UMAD1: variants seen among roughly 807,000 people sequenced by gnomAD.
UMAD1 encodes the protein UBAP1-MVB12-associated (UMA) domain containing 1, also known as UBAP1-MVB12-associated (UMA)-domain containing protein 1.
Under a neutral mutation model 6.1 loss-of-function variants are expected in UMAD1, and 8 were observed. The observed-to-expected ratio is 1.30, with a 90% CI of 0.76 to 2.35. The LOEUF (loss-of-function observed/expected upper bound fraction) is 2.35. UMAD1 is among the 30% of genes most tolerant of loss of function. The pLI is 0.00. For synonymous variants in UMAD1, 56 were observed against 31.4 expected (o/e 1.78, Z -2.61); for missense variants, 130 against 78.4 (o/e 1.66, Z -2.49).
intron 2 of UMAD1, among the ~76,000 whole-genome samples, chr7:7,785,285 A>G (rs372413229): frequency 5.3e-5 from 8 of 152,314 alleles, no homozygotes; most frequent in African/African-American, 1.9e-4. Flanking sequence ...TATTTCTTCA[A>G]TATTGATTGT....
At chr7:7,836,828 C>T (rs1783581165) in intron 3 of UMAD1, among the ~76,000 whole-genome samples, 1 of 151,366 alleles carries the variant, frequency 6.6e-6, no homozygotes, top group Non-Finnish European at 1.5e-5. Context: ...CATAGAAATG[C>T]ATAATAGTAG....
At chr7:7,724,726 T>G (rs1248629881) in intron 2 of UMAD1, among the ~76,000 whole-genome samples, 1 of 152,194 alleles carries the variant, frequency 6.6e-6, no homozygotes, top group African/African-American at 2.4e-5. Context: ...CCAGATGTGG[T>G]TTCATTGCTT....
intron 3 of UMAD1, among the ~76,000 whole-genome samples, chr7:7,873,165 G>A (rs944652427): frequency 3.9e-5 from 6 of 152,102 alleles, no homozygotes; most frequent in Admixed American, 1.3e-4. Context: ...ACTGAGGCAC[G>A]GAGAAGTTAA....
chr7:7,761,542 G>A (rs1330458749), intron 2 of UMAD1, among the ~76,000 whole-genome samples: 1 of 152,126 alleles, frequency 6.6e-6, no homozygotes, highest in East Asian at 1.9e-4. Context: ...CAAATTTTGT[G>A]GGTGCGAGTA....
At chr7:7,753,699 A>C (rs1424067908) in intron 2 of UMAD1, among the ~76,000 whole-genome samples, 1 of 152,166 alleles carries the variant, frequency 6.6e-6, no homozygotes, top group Non-Finnish European at 1.5e-5. Context: ...GGTTGCTTCC[A>C]CATCTTGGCT....
intron 2 of UMAD1, among the ~76,000 whole-genome samples, chr7:7,717,181 C>T (rs1043613019): frequency 4.6e-5 from 7 of 151,838 alleles, no homozygotes; most frequent in Admixed American, 3.9e-4. Context: ...CTCTGCCTCC[C>T]GCGTAGCTGG....
chr7:7,728,248 C>T (rs1781179647), intron 2 of UMAD1, among the ~76,000 whole-genome samples: 1 of 152,114 alleles, frequency 6.6e-6, no homozygotes, highest in Admixed American at 6.5e-5. Flanking sequence ...GGTACCTCTA[C>T]CTGGGAAAAT....
At chr7:7,837,652 A>T (rs1266250459) in intron 3 of UMAD1, among the ~76,000 whole-genome samples, 1 of 152,092 alleles carries the variant, frequency 6.6e-6, no homozygotes, top group Non-Finnish European at 1.5e-5. Context: ...TCAACCCAAA[A>T]GCAGTTAAAA....
chr7:7,745,272 C>G (rs1391455301), intron 2 of UMAD1, among the ~76,000 whole-genome samples: 2 of 152,114 alleles, frequency 1.3e-5, no homozygotes, highest in Non-Finnish European at 2.9e-5. Context: ...GAAGAAAATA[C>G]ACGTATAGTG....
At chr7:7,820,624 C>T (rs919001592) in intron 3 of UMAD1, among the ~76,000 whole-genome samples, 3 of 152,072 alleles carry the variant, frequency 2.0e-5, no homozygotes, top group Admixed American at 6.6e-5. Context: ...GTTTAGCATG[C>T]GAGACTTTAA....
At chr7:7,703,526 A>C (rs77859148) in intron 2 of UMAD1, among the ~76,000 whole-genome samples, 3,948 of 152,308 alleles carry the variant, frequency 0.026, 177 homozygotes, top group African/African-American at 0.09. Flanking sequence ...TTTGTAACCT[A>C]TATTGAATCC....
intron 2 of UMAD1, among the ~76,000 whole-genome samples, chr7:7,729,067 A>G (rs950877357): frequency 1.3e-5 from 2 of 152,218 alleles, no homozygotes; most frequent in Non-Finnish European, 2.9e-5. Context: ...TACATAATGT[A>G]TTTGTGTCGG....
At chr7:7,648,748 G>C (rs1327996217) in intron 1 of UMAD1, among the ~76,000 whole-genome samples, 4 of 152,072 alleles carry the variant, frequency 2.6e-5, no homozygotes, top group Middle Eastern at 3.2e-3. Flanking sequence ...AGCTACTTGG[G>C]AGGCTGAGGT....
chr7:7,778,263 T>TGAGAGA (rs1342531151), intron 2 of UMAD1, among the ~76,000 whole-genome samples: 3 of 135,776 alleles, frequency 2.2e-5, no homozygotes, highest in African/African-American at 8.7e-5. Flanking sequence ...TGTGTGTGTG[T>TGAGAGA]GTGTGTGTGT....
rs113896100 is a variant in UMAD1 at position 7,762,578 on chromosome 7, G to A, written c.83-39092G>A. Among the ~76,000 whole-genome samples, 7 of 152,316 alleles carry A rather than the reference G, an allele frequency of 4.6e-5. 1 individual carries two copies. The highest frequency in any genetic ancestry group is 1.7e-4 in the African/African-American group (7 of 41,574). On this transcript the variant is annotated intron_variant, in intron 2 of 3. Transcript: ENST00000682710. ...TGGGATGCCTCATGGAAATTACAAA[G>A]GTTTCGTTTGCTTCTGCCCTTCAAG...
chr7:7,812,971 T>C (rs939598005), intron 3 of UMAD1, among the ~76,000 whole-genome samples: 1 of 152,196 alleles, frequency 6.6e-6, no homozygotes, highest in Non-Finnish European at 1.5e-5. Flanking sequence ...GAAGGATAAA[T>C]TTCATCTGAA....
chr7:7,684,021 C>T (rs907284999), intron 2 of UMAD1, among the ~76,000 whole-genome samples: 5 of 152,294 alleles, frequency 3.3e-5, no homozygotes, highest in South Asian at 4.1e-4. Context: ...TGACGCTCAA[C>T]GCTCTGATAT....
intron 3 of UMAD1, among the ~76,000 whole-genome samples, chr7:7,876,245 C>T (rs1008446787): frequency 6.6e-6 from 1 of 151,918 alleles, no homozygotes; most frequent in African/African-American, 2.4e-5. Context: ...TCGGTGTGCA[C>T]GAGCAAGCAC....
intron 2 of UMAD1, among the ~76,000 whole-genome samples, chr7:7,731,964 A>G (rs1244514458): frequency 1.3e-5 from 2 of 152,144 alleles, no homozygotes; most frequent in African/African-American, 2.4e-5. Context: ...TGTACAATGG[A>G]GACAGTAAGA....
Sources: allele counts gnomAD v4.1 joint callset (sites outside exome capture counted in the v4.1 genomes callset), GRCh38; gene constraint gnomAD v4.1.1; transcripts MANE v1.5; gene names NCBI Gene and HGNC (gene_info 2026-07-23, HGNC 2026-07-21).